The following MAPK1IP1L variants were observed in gnomAD, a reference collection of about 807,000 sequenced individuals.
The protein encoded by MAPK1IP1L is mitogen-activated protein kinase 1 interacting protein 1 like.
MAPK1IP1L carries 10 observed loss-of-function variants against 18.1 expected under a neutral mutation model. The ratio of observed to expected loss-of-function variants is 0.55; its 90% CI spans 0.34 to 0.94. MAPK1IP1L has a LOEUF of 0.94. Ranked by LOEUF, MAPK1IP1L falls within the 40% of genes least tolerant of loss-of-function variation. MAPK1IP1L has a pLI of 0.02. For missense variants in MAPK1IP1L, 260 were observed against 318.2 expected (o/e 0.82, Z 1.39); for synonymous variants, 115 against 117.3 (o/e 0.98, Z 0.13).
At position 55,069,708 on chromosome 14, in the gene MAPK1IP1L, C is replaced by G. The variant is rs1047713761; in HGVS notation, c.*5081C>G. Reference sequence around the variant, plus strand: ...TTCACTAAGGATATCTGGAAACCACCCTTCCTCCGCAAACCCTCTCAGCAA... The same window carrying G: ...TTCACTAAGGATATCTGGAAACCACGCTTCCTCCGCAAACCCTCTCAGCAA... On this transcript the variant is annotated 3_prime_UTR_variant, in exon 4 of 4. Coordinates refer to ENST00000395468, the MANE Select transcript of MAPK1IP1L (RefSeq NM_144578.4). 2.0e-5 allele frequency: 3 copies of G among 152,084 alleles called. No homozygotes were observed. Among genetic ancestry groups the G allele is most frequent in the Non-Finnish European group, 4.4e-5 (3 of 68,026 alleles). The allele number at this position is 152,084 out of a possible 1,614,324, so 9.4% of individuals were successfully genotyped here.
At chr14:55,056,187 A>T (rs1383752472) in intron 1 of MAPK1IP1L, among the ~76,000 whole-genome samples, 1 of 152,174 alleles carries the variant, frequency 6.6e-6, no homozygotes, top group Non-Finnish European at 1.5e-5. Flanking sequence ...TGGATTTTGA[A>T]CTTTAAAATT....
chr14:55,064,543 T>C (rs2042847053), intron 3 of MAPK1IP1L, 73 bp from the exon 4 acceptor site: 2 of 1,334,114 alleles, frequency 1.5e-6, no homozygotes, highest in East Asian at 2.3e-5. Context: ...AAATTTACTT[T>C]AAGCCACAGT....
chr14:55,060,666 GAA>G (rs1211451490), intron 1 of MAPK1IP1L: 1 of 152,202 alleles, frequency 6.6e-6, no homozygotes, highest in African/African-American at 2.4e-5. Flanking sequence ...TAGTTGATTG[GAA>G]AAGAGCATGA....
Position 55,067,211 on chromosome 14 carries a change from T to A in MAPK1IP1L, c.*2584T>A, listed in dbSNP as rs1254255495. 2 of 150,252 alleles carry A rather than the reference T, an allele frequency of 1.3e-5. No individual in the cohort carries two copies. The highest frequency in any genetic ancestry group is 2.4e-5 in the African/African-American group (1 of 40,878). 9.3% of individuals were successfully genotyped at this position (150,252 alleles called of 1,614,324 possible). ...GAGCCACCACGTCCGGCCGATTTTTTTTTTTTTTTTTAATGTAAGAATGGA... is the reference window on the plus strand; with the variant it reads ...GAGCCACCACGTCCGGCCGATTTTTATTTTTTTTTTTAATGTAAGAATGGA... On this transcript the variant is annotated 3_prime_UTR_variant, in exon 4 of 4. Coordinates refer to ENST00000395468, the MANE Select transcript of MAPK1IP1L (RefSeq NM_144578.4).
chr14:55,068,044 C>G lies in MAPK1IP1L; in HGVS notation c.*3417C>G, dbSNP rs1191328479. 2 of 152,220 alleles carry G rather than the reference C, an allele frequency of 1.3e-5. No individual in the cohort carries two copies. Among genetic ancestry groups the G allele is most frequent in the African/African-American group, 4.8e-5 (2 of 41,452 alleles). The allele number at this position is 152,220 out of a possible 1,614,324, so 9.4% of individuals were successfully genotyped here. ...AAGACCTTGGCTTGTCTGTCCCATCCTGCCACTTTCTCATCTTTTCATGCT... is the reference window on the plus strand; with the variant it reads ...AAGACCTTGGCTTGTCTGTCCCATCGTGCCACTTTCTCATCTTTTCATGCT... On this transcript the variant is annotated 3_prime_UTR_variant, in exon 4 of 4. Transcript: ENST00000395468.
At position 55,063,092 on chromosome 14, in the gene MAPK1IP1L, A is replaced by G; in HGVS notation, c.493A>G (p.Asn165Asp). 1 of 1,613,216 alleles carries G rather than the reference A, an allele frequency of 6.2e-7. No homozygotes were observed. Among genetic ancestry groups the G allele is most frequent in the Non-Finnish European group, 8.5e-7 (1 of 1,179,994 alleles). ...AATGGGAGGGCAGTATCCTACCCCT[A>G]ATATGCCATATCCATCTCCAGGCCC... ...PGMGGQYPTP[N>D]MPYPSPGPYP... Residue 165 changes from asparagine to aspartate, a missense_variant, in exon 3 of 4, where the codon AAT becomes GAT. Physicochemically the swap from Asn to Asp is conservative, Grantham distance 23. Coordinates refer to ENST00000395468, the MANE Select transcript of MAPK1IP1L (RefSeq NM_144578.4).
intron 3 of MAPK1IP1L, among the ~76,000 whole-genome samples, chr14:55,063,564 A>G (rs1417181890): frequency 6.6e-6 from 1 of 152,240 alleles, no homozygotes; most frequent in East Asian, 1.9e-4. Flanking sequence ...AAGACTTTGT[A>G]ATGTAGTAAG....
At chr14:55,060,015 G>A (rs2042803678) in intron 1 of MAPK1IP1L, among the ~76,000 whole-genome samples, 1 of 152,056 alleles carries the variant, frequency 6.6e-6, no homozygotes, top group South Asian at 2.1e-4. Flanking sequence ...GAGTAGGGAA[G>A]GCCTTTGTAA....
At position 55,056,811 on chromosome 14, in the gene MAPK1IP1L, GTTTT is replaced by G. The variant is rs1412336029; in HGVS notation, c.-4-4866_-4-4863del. Among the ~76,000 whole-genome samples, 17 of 152,092 alleles carry G rather than the reference GTTTT, an allele frequency of 1.1e-4. No homozygotes were observed. In the South Asian group the frequency reaches 3.5e-3, roughly 32 times the overall value. ...GGCGTGAGCCACCGCGCCCGGCCAT[GTTTT>G]TTGATATTCTGAATAAAAAGGATAT... is the stretch of plus-strand genomic sequence containing the variant. On this transcript the variant is annotated intron_variant, in intron 1 of 3. Transcript: ENST00000395468.
chr14:55,069,956 C>G lies in MAPK1IP1L; in HGVS notation c.*5329C>G, dbSNP rs1337348104. ...ATTAAACTTGGAGTTTACCATTTTC[C>G]CACAGGAGATTTCGCTGGCATTCCT... On this transcript the variant is annotated 3_prime_UTR_variant, in exon 4 of 4. Transcript: ENST00000395468. 2 of 152,138 alleles carry G rather than the reference C, an allele frequency of 1.3e-5. No individual in the cohort carries two copies. Among genetic ancestry groups the G allele is most frequent in the Non-Finnish European group, 2.9e-5 (2 of 68,038 alleles). 9.4% of individuals were successfully genotyped at this position (152,138 alleles called of 1,614,324 possible). A position where few individuals can be genotyped will look rare whatever the true frequency, so the allele number is the denominator to read the frequency against.
chr14:55,057,102 A>T (rs1375634677), intron 1 of MAPK1IP1L, among the ~76,000 whole-genome samples: 1 of 152,190 alleles, frequency 6.6e-6, no homozygotes, highest in Admixed American at 6.5e-5. Flanking sequence ...AAATAATGTA[A>T]TTTTTTAAAA....
rs567798198 is a variant in MAPK1IP1L, at chr14:55,062,923, G to T, written c.324G>T (p.Pro108=). The change falls in exon 3 of 4, where the codon CCG becomes CCT. Residue 108 remains proline, a synonymous_variant. Transcript: ENST00000395468. ...PGGPYPAPTV[P]GPGPTGPYPT... is the part of the protein sequence containing the mutation. Reference sequence around the variant, plus strand: ...GTCCTTATCCAGCCCCAACTGTGCCGGGCCCTGGCCCCACAGGGCCATATC... The same window carrying T: ...GTCCTTATCCAGCCCCAACTGTGCCTGGCCCTGGCCCCACAGGGCCATATC... 85 of 1,613,910 alleles carry T rather than the reference G, an allele frequency of 5.3e-5. No individual in the cohort carries two copies. The Admixed American group carries it at 1.4e-3, about 26-fold the overall frequency.
intron 3 of MAPK1IP1L, 113 bp downstream of exon 3, chr14:55,063,438 G>A: frequency 2.3e-6 from 2 of 886,186 alleles, no homozygotes; most frequent in Non-Finnish European, 1.7e-6. Flanking sequence ...TTTAAAAGAG[G>A]GTGTGTGTAT....
At chr14:55,061,963 G>GT (rs1184831230) in intron 2 of MAPK1IP1L, among the ~76,000 whole-genome samples, 3 of 152,156 alleles carry the variant, frequency 2.0e-5, no homozygotes, top group Non-Finnish European at 2.9e-5. Context: ...GATGCTTTTT[G>GT]TGATTCTTGG....
intron 1 of MAPK1IP1L, among the ~76,000 whole-genome samples, chr14:55,057,448 A>G (rs1158734083): frequency 6.6e-6 from 1 of 152,156 alleles, no homozygotes; most frequent in Non-Finnish European, 1.5e-5. Flanking sequence ...ATAAAACCCA[A>G]AACACTTCTA....
Position 55,065,520 on chromosome 14 carries a change from C to T in MAPK1IP1L, c.*893C>T, listed in dbSNP as rs1373127795. The stretch of plus-strand genomic sequence containing the variant: ...TCATTCCCACAAAAACCTGAGGCAG[C>T]TCTTTTGCCCAGAGCGTTCCCTGTA... On this transcript the variant is annotated 3_prime_UTR_variant, in exon 4 of 4. Transcript: ENST00000395468. 6.6e-6 allele frequency: 1 copy of T among 152,162 alleles called. No individual in the cohort carries two copies. The allele number at this position is 152,162 out of a possible 1,614,324, so 9.4% of individuals were successfully genotyped here.
chr14:55,055,921 C>T (rs1010120032), intron 1 of MAPK1IP1L, among the ~76,000 whole-genome samples: 13 of 152,316 alleles, frequency 8.5e-5, no homozygotes, highest in Admixed American at 6.5e-4. Context: ...CAGAGCGAGA[C>T]TCCATCTCAA....
rs982038070 is a variant in MAPK1IP1L, at chr14:55,069,521, T to A, written c.*4894T>A. 8 of 152,644 alleles carry A rather than the reference T, an allele frequency of 5.2e-5. No individual in the cohort carries two copies. The highest frequency in any genetic ancestry group is 1.9e-4 in the East Asian group (1 of 5,204). 9.5% of individuals were successfully genotyped at this position (152,644 alleles called of 1,614,324 possible). On this transcript the variant is annotated 3_prime_UTR_variant, in exon 4 of 4. Coordinates refer to ENST00000395468, the MANE Select transcript of MAPK1IP1L (RefSeq NM_144578.4). ...GTGTATTATACCTGGAAACTTTTTT[T>A]AAAAAATGTATTTTCATGGTTTCAC...
rs2042833633 is a variant in MAPK1IP1L, at chr14:55,063,215, C to G, written c.616C>G (p.Pro206Ala). The G allele has an allele frequency of 5.0e-6, 8 of 1,614,056 alleles. No individual in the cohort carries two copies. In the South Asian group the frequency reaches 7.7e-5, roughly 16 times the overall value. ...AGCCTGGGGACCACCAGCACCATAT[C>G]CTGCCCCTACAGGATCGTATCCCAC... ...PGAWGPPAPYPAPTGSYPTPG... is the reference protein window; with the variant it reads ...PGAWGPPAPYAAPTGSYPTPG... Residue 206 changes from proline (P) to alanine (A), a missense_variant, in exon 3 of 4, where the codon CCT becomes GCT. Pro to Ala is a conservative substitution (Grantham distance 27). Coordinates refer to ENST00000395468, the MANE Select transcript of MAPK1IP1L (RefSeq NM_144578.4).
Sources: allele counts gnomAD v4.1 joint callset (sites outside exome capture counted in the v4.1 genomes callset), GRCh38; gene constraint gnomAD v4.1.1; transcripts MANE v1.5; gene names NCBI Gene and HGNC (gene_info 2026-07-23, HGNC 2026-07-21).